Variants in NCKAP5 observed in about 807,000 individuals in gnomAD.
NCKAP5 encodes the protein NCK associated protein 5, also known as nck-associated protein 5.
Under a neutral mutation model 167.0 loss-of-function variants are expected in NCKAP5, and 92 were observed. The ratio of observed to expected loss-of-function variants is 0.55; its 90% CI spans 0.47 to 0.66. The LOEUF (loss-of-function observed/expected upper bound fraction) is 0.66, where lower values mean the gene tolerates loss of function less well. NCKAP5 is among the 30% of genes least tolerant of loss of function. The pLI is 0.00. For synonymous variants in NCKAP5, 891 were observed against 877.4 expected (o/e 1.02, Z -0.27); for missense variants, 2,378 against 2,315.0 (o/e 1.03, Z -0.56).
intron 3 of NCKAP5, among the ~76,000 whole-genome samples, chr2:133,313,948 C>T (rs993177257): frequency 6.6e-6 from 1 of 152,186 alleles, no homozygotes; most frequent in African/African-American, 2.4e-5. Flanking sequence ...CATCCACACA[C>T]AGCAGGAATT....
intron 6 of NCKAP5, among the ~76,000 whole-genome samples, chr2:133,120,138 T>A (rs1267995551): frequency 6.6e-6 from 1 of 152,178 alleles, no homozygotes; most frequent in East Asian, 1.9e-4. Flanking sequence ...AAATGACAGG[T>A]GAAAACCTTT....
chr2:133,159,386 C>T (rs191107575), intron 5 of NCKAP5, among the ~76,000 whole-genome samples: 85 of 152,328 alleles, frequency 5.6e-4, no homozygotes, highest in African/African-American at 1.9e-3. Context: ...TGATTTCAGC[C>T]TTGGGAGACC....
At chr2:133,379,634 T>C (rs1195826494) in intron 3 of NCKAP5, among the ~76,000 whole-genome samples, 1 of 152,204 alleles carries the variant, frequency 6.6e-6, no homozygotes. Context: ...TTCACTTTTC[T>C]GTCCCTTAGT....
At position 132,896,234 on chromosome 2, in the gene NCKAP5, G is replaced by A. The variant is rs1472801286; in HGVS notation, c.580-17318C>T. On this transcript the variant is annotated intron_variant, in intron 8 of 19. Transcript: ENST00000409261. ...AATTGTTTTGTCATAATGAAATTACGTGAAAATGAATCCCATTCTAGAAAC... is the reference window on the plus strand; with the variant it reads ...AATTGTTTTGTCATAATGAAATTACATGAAAATGAATCCCATTCTAGAAAC... Among the ~76,000 whole-genome samples the A allele has an allele frequency of 6.6e-5, 10 of 152,292 alleles. No homozygotes were observed. The South Asian group carries it at 8.3e-4, about 13-fold the overall frequency.
intron 11 of NCKAP5, among the ~76,000 whole-genome samples, chr2:132,850,095 C>A (rs1688961955): frequency 6.6e-6 from 1 of 152,052 alleles, no homozygotes; most frequent in Non-Finnish European, 1.5e-5. Flanking sequence ...ATATATGATT[C>A]TATTATTCCT....
chr2:133,047,004 T>G (rs1300704909), intron 6 of NCKAP5, among the ~76,000 whole-genome samples: 1 of 152,152 alleles, frequency 6.6e-6, no homozygotes, highest in African/African-American at 2.4e-5. Flanking sequence ...CAAAAAATAT[T>G]TCAGAGTGAT....
intron 2 of NCKAP5, among the ~76,000 whole-genome samples, chr2:133,535,277 C>A (rs945410465): frequency 4.0e-5 from 6 of 151,806 alleles, no homozygotes; most frequent in African/African-American, 1.5e-4. Flanking sequence ...TCAACCCTCA[C>A]CTTCCACCTC....
Position 133,517,579 on chromosome 2 carries a change from C to T in NCKAP5, c.-53G>A, listed in dbSNP as rs1428359606. On this transcript the variant is annotated 5_prime_UTR_variant, in exon 3 of 20. Coordinates refer to ENST00000409261, the MANE Select transcript of NCKAP5 (RefSeq NM_207363.3). The stretch of plus-strand genomic sequence containing the variant: ...ACTTATAAGAATCCCCCGTCTGTTT[C>T]CAGGGTCACTGAAAAGAGTGAACAT... 2.4e-6 allele frequency: 3 copies of T among 1,238,014 alleles called. No homozygotes were observed. In the South Asian group the frequency reaches 4.6e-5, roughly 19 times the overall value. The allele number at this position is 1,238,014 out of a possible 1,614,324, so 76.7% of individuals were successfully genotyped here.
At chr2:133,619,235 G>A in the NCKAP5 span, among the ~76,000 whole-genome samples, 1 of 149,364 alleles carries the variant, frequency 6.7e-6, no homozygotes, top group South Asian at 2.2e-4. Context: ...CAGCGCACCA[G>A]CATGGTACAT....
intron 5 of NCKAP5, among the ~76,000 whole-genome samples, chr2:133,148,385 G>A (rs894621297): frequency 6.6e-6 from 1 of 151,996 alleles, no homozygotes; most frequent in African/African-American, 2.4e-5. Context: ...TTAATTAAAC[G>A]TTGTCAGCAT....
At chr2:132,749,092 C>T (rs1679891950) in intron 16 of NCKAP5, among the ~76,000 whole-genome samples, 1 of 152,102 alleles carries the variant, frequency 6.6e-6, no homozygotes, top group Non-Finnish European at 1.5e-5. Flanking sequence ...TTTGTCAGCA[C>T]TTCCTTTCTA....
chr2:133,293,223 T>C (rs1679724589), intron 4 of NCKAP5, among the ~76,000 whole-genome samples: 1 of 152,202 alleles, frequency 6.6e-6, no homozygotes, highest in Non-Finnish European at 1.5e-5. Flanking sequence ...AGGACCTAAA[T>C]ATATGTTCTA....
chr2:133,613,648 A>G, the NCKAP5 span, among the ~76,000 whole-genome samples: 1 of 152,158 alleles, frequency 6.6e-6, no homozygotes, highest in Non-Finnish European at 1.5e-5. Context: ...CATCTGTGCC[A>G]TTTCTTGAAT....
chr2:133,335,805 T>TA (rs1309967108), intron 3 of NCKAP5, among the ~76,000 whole-genome samples: 1 of 152,192 alleles, frequency 6.6e-6, no homozygotes, highest in East Asian at 1.9e-4. Context: ...TAATTAGAAC[T>TA]GATATTTTAT....
At chr2:133,132,876 C>T (rs569110954) in intron 5 of NCKAP5, among the ~76,000 whole-genome samples, 14 of 152,056 alleles carry the variant, frequency 9.2e-5, no homozygotes, top group South Asian at 4.2e-4. Flanking sequence ...CAGGGTTTCT[C>T]GATGTTAGCC....
intron 3 of NCKAP5, among the ~76,000 whole-genome samples, chr2:133,447,315 C>T (rs756628651): frequency 1.3e-5 from 2 of 152,178 alleles, no homozygotes; most frequent in African/African-American, 2.4e-5. Flanking sequence ...TCCTTGCACT[C>T]GTGCTTTTAG....
At chr2:133,206,524 T>C (rs996628431) in intron 5 of NCKAP5, among the ~76,000 whole-genome samples, 1 of 152,236 alleles carries the variant, frequency 6.6e-6, no homozygotes, top group African/African-American at 2.4e-5. Flanking sequence ...CTATTATCTT[T>C]GTAAGCTGAG....
chr2:132,899,521 G>T (rs1693457293), intron 8 of NCKAP5, among the ~76,000 whole-genome samples: 1 of 152,270 alleles, frequency 6.6e-6, no homozygotes, highest in Non-Finnish European at 1.5e-5. Flanking sequence ...CTTTCAGCCT[G>T]TCTTGGCTTT....
At chr2:133,642,916 G>C in the NCKAP5 span, among the ~76,000 whole-genome samples, 1 of 152,208 alleles carries the variant, frequency 6.6e-6, no homozygotes, top group African/African-American at 2.4e-5. Context: ...AGAGGAAATA[G>C]AAGTTTGCTC....
Sources: allele counts gnomAD v4.1 joint callset (sites outside exome capture counted in the v4.1 genomes callset), GRCh38; gene constraint gnomAD v4.1.1; transcripts MANE v1.5; gene names NCBI Gene and HGNC (gene_info 2026-07-23, HGNC 2026-07-21).